TDRD15: variants seen among roughly 807,000 people sequenced by gnomAD.
TDRD15 encodes tudor domain containing 15.
For synonymous variants in TDRD15, 503 were observed against 314.5 expected, an observed-to-expected ratio of 1.60 and a Z score of -6.34; for missense variants, 1,416 against 904.7, an observed-to-expected ratio of 1.57 and a Z score of -7.25.
Position 21,143,180 on chromosome 2 carries a change from A to G in TDRD15, c.5713A>G (p.Ile1905Val), listed in dbSNP as rs1332735275. 1.3e-5 allele frequency: 9 copies of G among 704,430 alleles called. No individual in the cohort carries two copies. Among genetic ancestry groups the G allele is most frequent in the East Asian group, 2.7e-5 (1 of 36,998 alleles). 43.6% of individuals were successfully genotyped at this position (704,430 alleles called of 1,614,324 possible). A position where few individuals can be genotyped will look rare whatever the true frequency, so the allele number is the denominator to read the frequency against. The change falls in exon 4 of 4, where the codon ATA (isoleucine) becomes GTA (valine). Residue 1905 changes from isoleucine to valine, a missense_variant. Ile to Val is a conservative substitution (Grantham distance 29, BLOSUM62 3). Coordinates refer to ENST00000405799, the MANE Select transcript of TDRD15 (RefSeq NM_001306137.2). ...VIHEKNNLAD[I>V]LVASGLATYS... is the part of the protein sequence containing the mutation. Reference sequence around the variant, plus strand: ...TCATGAGAAAAACAATTTGGCAGATATATTAGTTGCATCTGGTCTCGCAAC... The same window carrying G: ...TCATGAGAAAAACAATTTGGCAGATGTATTAGTTGCATCTGGTCTCGCAAC...
intron 2 of TDRD15, among the ~76,000 whole-genome samples, chr2:21,133,991 TTTAA>T (rs1433622758): frequency 1.3e-5 from 2 of 152,040 alleles, no homozygotes; most frequent in African/African-American, 2.4e-5. Context: ...CATTTGTCTC[TTTAA>T]TTACTTTTAA....
At chr2:21,145,115 A>G (rs1666010804), downstream of TDRD15, among the ~76,000 whole-genome samples, 1 of 151,998 alleles carries the variant, frequency 6.6e-6, no homozygotes, top group African/African-American at 2.4e-5. Context: ...TGCCCCACCC[A>G]TGAACCTCCA....
chr2:21,139,330 G>T lies in TDRD15; in HGVS notation c.1863G>T (p.Leu621Phe), dbSNP rs1665874753. 1.4e-6 allele frequency: 1 copy of T among 704,472 alleles called. No homozygotes were observed. Among genetic ancestry groups the T allele is most frequent in the Non-Finnish European group, 2.6e-6 (1 of 381,328 alleles). 43.6% of individuals were successfully genotyped at this position (704,472 alleles called of 1,614,324 possible). A position where few individuals can be genotyped will look rare whatever the true frequency, so the allele number is the denominator to read the frequency against. The change falls in exon 4 of 4, where the codon TTG (leucine) becomes TTT (phenylalanine). Residue 621 changes from leucine (L) to phenylalanine (F), a missense_variant. Coordinates refer to ENST00000405799, the MANE Select transcript of TDRD15 (RefSeq NM_001306137.2). ...AAIDYFKKLV[L>F]NKAILLQVIA... ...TTGATTATTTTAAAAAATTAGTTTTGAACAAAGCAATTTTGCTTCAGGTTA... is the reference window on the plus strand; with the variant it reads ...TTGATTATTTTAAAAAATTAGTTTTTAACAAAGCAATTTTGCTTCAGGTTA...
rs1487281997 is a variant in TDRD15 at position 21,142,549 on chromosome 2, T to C, written c.5082T>C (p.Val1694=). ...TGGAATACTTAAATTTGAATACAGT[T>C]CCTGTTGAAGAAAACAAACTTAGAC... ...LLLEYLNLNT[V]PVEENKLRLA... is the part of the protein sequence containing the mutation. The change falls in exon 4 of 4, where the codon GTT becomes GTC. Residue 1694 remains valine (V), a synonymous_variant. Transcript: ENST00000405799. The C allele has an allele frequency of 8.5e-6, 6 of 706,644 alleles. No homozygotes were observed. Among genetic ancestry groups the C allele is most frequent in the Non-Finnish European group, 1.6e-5 (6 of 381,258 alleles). 43.8% of individuals were successfully genotyped at this position (706,644 alleles called of 1,614,324 possible).
intron 1 of TDRD15, among the ~76,000 whole-genome samples, chr2:21,125,432 GT>G (rs1665566973): frequency 6.9e-6 from 1 of 144,368 alleles, no homozygotes; most frequent in Admixed American, 6.9e-5. Context: ...ATGCCAGGGT[GT>G]GTGTGTGTGT....
Position 21,142,777 on chromosome 2 carries a change from A to G in TDRD15, c.5310A>G (p.Pro1770=), listed in dbSNP as rs1486041514. 8.4e-6 allele frequency: 6 copies of G among 715,004 alleles called. No homozygotes were observed. The highest frequency in any genetic ancestry group is 1.5e-5 in the South Asian group (1 of 67,464). The allele number at this position is 715,004 out of a possible 1,614,324, so 44.3% of individuals were successfully genotyped here. ...KYLFMLLSDL[P]ETLQTLPQEF... ...TTTTTATGTTGCTTTCTGATCTACC[A>G]GAGACCTTACAAACATTGCCTCAGG... is the stretch of plus-strand genomic sequence containing the variant. Residue 1770 remains proline (P), a synonymous_variant, in exon 4 of 4, where the codon CCA becomes CCG. Transcript: ENST00000405799.
chr2:21,134,733 CTAATT>C (rs1457624622), intron 2 of TDRD15, 24 bp from the exon 3 acceptor site: 1 of 151,630 alleles, frequency 6.6e-6, no homozygotes, highest in African/African-American at 2.4e-5. Flanking sequence ...TTGAAAAATC[CTAATT>C]TAATTAAACT....
chr2:21,139,667 C>G lies in TDRD15; in HGVS notation c.2200C>G (p.Pro734Ala), dbSNP rs1302851314. The G allele has an allele frequency of 2.8e-6, 2 of 712,878 alleles. No individual in the cohort carries two copies. Among genetic ancestry groups the G allele is most frequent in the East Asian group, 2.7e-5 (1 of 37,248 alleles). 44.2% of individuals were successfully genotyped at this position (712,878 alleles called of 1,614,324 possible). ...LAVNISEFKN[P>A]FTLSVGPESS... ...TGTTAATATCTCAGAATTTAAAAAT[C>G]CTTTCACCTTGTCTGTGGGACCTGA... Residue 734 changes from proline to alanine, a missense_variant, in exon 4 of 4, where the codon CCT becomes GCT. Pro to Ala is a conservative substitution (Grantham distance 27). Coordinates refer to ENST00000405799, the MANE Select transcript of TDRD15 (RefSeq NM_001306137.2).
Position 21,144,022 on chromosome 2 carries a change from G to T in TDRD15, c.*750G>T, listed in dbSNP as rs1355259900. Among the ~76,000 whole-genome samples, 4 of 151,638 alleles carry T rather than the reference G, an allele frequency of 2.6e-5. No individual in the cohort carries two copies. The highest frequency in any genetic ancestry group is 5.9e-5 in the Non-Finnish European group (4 of 67,744). On this transcript the variant is annotated 3_prime_UTR_variant, in exon 4 of 4. Coordinates refer to ENST00000405799, the MANE Select transcript of TDRD15 (RefSeq NM_001306137.2). ...GTTAATAAATCTTGCTATTATTAGT[G>T]AGCTTCCTGCGCTTATTTTGAAGAA...
downstream of TDRD15, among the ~76,000 whole-genome samples, chr2:21,146,344 T>C (rs1302193548): frequency 6.6e-6 from 1 of 152,070 alleles, no homozygotes; most frequent in East Asian, 1.9e-4. Flanking sequence ...GTTGCCACCC[T>C]TTACATTTAG....
In TDRD15 at chr2:21,126,303, CTT is replaced by C. The variant is rs1212471448; in HGVS notation, c.-200-1296_-200-1295del. Among the ~76,000 whole-genome samples the C allele has an allele frequency of 2.0e-5, 3 of 151,820 alleles. No individual in the cohort carries two copies. In the East Asian group the frequency reaches 5.8e-4, roughly 29 times the overall value. On this transcript the variant is annotated intron_variant, in intron 1 of 3. Transcript: ENST00000405799. ...GACTCATAAAATGTGTATTCTGCCT[CTT>C]TGTGTTTCAGCATAATTACTTTGAG...
downstream of TDRD15, among the ~76,000 whole-genome samples, chr2:21,146,454 A>G (rs1465701056): frequency 2.0e-5 from 3 of 152,040 alleles, no homozygotes; most frequent in Admixed American, 6.6e-5. Flanking sequence ...TCTCCAGAAC[A>G]AACTTGTTAG....
rs955924041 is a variant in TDRD15 at position 21,140,203 on chromosome 2, T to C, written c.2736T>C (p.His912=). ...IYALVIIHPN[H]LYNLVDLQSS... is the part of the protein sequence containing the mutation. ...CCTTAGTTATTATACATCCAAACCA[T>C]TTATATAACTTAGTGGATTTACAGT... The change falls in exon 4 of 4, where the codon CAT becomes CAC. Residue 912 remains histidine, a synonymous_variant. Coordinates refer to ENST00000405799, the MANE Select transcript of TDRD15 (RefSeq NM_001306137.2). 1.3e-5 allele frequency: 9 copies of C among 715,244 alleles called. No homozygotes were observed. Among genetic ancestry groups the C allele is most frequent in the Non-Finnish European group, 2.1e-5 (8 of 383,846 alleles). The allele number at this position is 715,244 out of a possible 1,614,324, so 44.3% of individuals were successfully genotyped here. A position where few individuals can be genotyped will look rare whatever the true frequency, so the allele number is the denominator to read the frequency against.
In TDRD15 at chr2:21,140,280, A is replaced by G. The variant is rs1310217713; in HGVS notation, c.2813A>G (p.Tyr938Cys). 4 of 715,180 alleles carry G rather than the reference A, an allele frequency of 5.6e-6. No homozygotes were observed. The highest frequency in any genetic ancestry group is 1.0e-5 in the Non-Finnish European group (4 of 383,754). The allele number at this position is 715,180 out of a possible 1,614,324, so 44.3% of individuals were successfully genotyped here. ...EFLMNRGSAQ[Y>C]ITLSETFPSL... ...CTTATGAATCGTGGCTCTGCTCAGT[A>G]TATCACATTATCAGAGACATTCCCA... is the stretch of plus-strand genomic sequence containing the variant. The change falls in exon 4 of 4, where the codon TAT becomes TGT. Residue 938 changes from tyrosine to cysteine, a missense_variant. Coordinates refer to ENST00000405799, the MANE Select transcript of TDRD15 (RefSeq NM_001306137.2).
At chr2:21,136,539 AG>A (rs1314643144) in intron 3 of TDRD15, among the ~76,000 whole-genome samples, 2 of 151,836 alleles carry the variant, frequency 1.3e-5, no homozygotes, top group East Asian at 1.9e-4. Flanking sequence ...CCTCATTTTG[AG>A]GGGGAAGGCA....
In TDRD15 at chr2:21,140,031, T is replaced by C. The variant is rs951457022; in HGVS notation, c.2564T>C (p.Leu855Ser). The C allele has an allele frequency of 7.7e-5, 55 of 715,682 alleles. No homozygotes were observed. The highest frequency in any genetic ancestry group is 1.2e-4 in the Non-Finnish European group (45 of 383,962). 44.3% of individuals were successfully genotyped at this position (715,682 alleles called of 1,614,324 possible). The change falls in exon 4 of 4, where the codon TTG becomes TCG. Residue 855 changes from leucine to serine, a missense_variant. Physicochemically the swap from Leu to Ser is moderately radical, Grantham distance 145 (BLOSUM62 -2). Transcript: ENST00000405799. The part of the protein sequence containing the change: ...DLCAINPRFL[L>S]LESQAFRCCL... Reference sequence around the variant, plus strand: ...TGTGCAATTAACCCACGTTTTCTCTTGTTAGAAAGCCAAGCCTTCAGATGT... The same window carrying C: ...TGTGCAATTAACCCACGTTTTCTCTCGTTAGAAAGCCAAGCCTTCAGATGT...
intron 3 of TDRD15, 76 bp from the exon 4 acceptor site, chr2:21,137,389 T>C (rs1481491310): frequency 2.3e-5 from 12 of 530,452 alleles, no homozygotes; most frequent in Non-Finnish European, 3.4e-5. Flanking sequence ...TTTTTAGTTT[T>C]ATATTTATAT....
Position 21,143,540 on chromosome 2 carries a change from ATGGT to A in TDRD15, c.*270_*273del, listed in dbSNP as rs1558302442. Among the ~76,000 whole-genome samples the A allele has an allele frequency of 6.6e-6, 1 of 151,626 alleles. No individual in the cohort carries two copies. The highest frequency in any genetic ancestry group is 2.4e-5 in the African/African-American group (1 of 41,376). ...ACAGCTTCATTTTGGGAACTGCCTG[ATGGT>A]TTGAAGAACAGCAGTCACGTTGAAG... On this transcript the variant is annotated 3_prime_UTR_variant, in exon 4 of 4. Coordinates refer to ENST00000405799, the MANE Select transcript of TDRD15 (RefSeq NM_001306137.2).
rs1267735984 is a variant in TDRD15, at chr2:21,141,421, A to C, written c.3954A>C (p.Glu1318Asp). ...TCCATATTCAGCTTGCTGAGAATGAAAGTGTAATTATCAGACTTGCTGATG... is the reference window on the plus strand; with the variant it reads ...TCCATATTCAGCTTGCTGAGAATGACAGTGTAATTATCAGACTTGCTGATG... Reference protein sequence around the residue: ...ANFHIQLAENESVIIRLADAL... With the variant: ...ANFHIQLAENDSVIIRLADAL... Residue 1318 changes from glutamate to aspartate, a missense_variant, in exon 4 of 4, where the codon GAA (glutamate) becomes GAC (aspartate). Physicochemically the swap from Glu to Asp is conservative, Grantham distance 45 (BLOSUM62 2). Coordinates refer to ENST00000405799, the MANE Select transcript of TDRD15 (RefSeq NM_001306137.2). 1.4e-6 allele frequency: 1 copy of C among 713,324 alleles called. No individual in the cohort carries two copies. The allele number at this position is 713,324 out of a possible 1,614,324, so 44.2% of individuals were successfully genotyped here. A position where few individuals can be genotyped will look rare whatever the true frequency, so the allele number is the denominator to read the frequency against.
Sources: allele counts gnomAD v4.1 joint callset (sites outside exome capture counted in the v4.1 genomes callset), GRCh38; gene constraint gnomAD v4.1.1; transcripts MANE v1.5; gene names NCBI Gene and HGNC (gene_info 2026-07-23, HGNC 2026-07-21).